GLYATL3: variants seen among roughly 807,000 people sequenced by gnomAD.
The protein encoded by GLYATL3 is glycine-N-acyltransferase like 3, also known as glycine N-acyltransferase-like protein 3.
Under a neutral mutation model 28.5 loss-of-function variants are expected in GLYATL3, and 31 were observed. That is an observed-to-expected ratio of 1.09 (90% CI 0.82 to 1.47). The LOEUF is 1.47. Ranked by LOEUF, GLYATL3 falls within the 40% of genes most tolerant of loss-of-function variation. GLYATL3 has a pLI of 0.00. For missense variants in GLYATL3, 369 were observed against 351.5 expected, an observed-to-expected ratio of 1.05 and a Z score of -0.40; for synonymous variants, 141 against 140.2, an observed-to-expected ratio of 1.01 and a Z score of -0.04.
rs186681170 is a variant in GLYATL3, at chr6:49,514,695, G to C, written c.79-958G>C. 1.2e-4 allele frequency among the ~76,000 whole-genome samples: 18 copies of C among 152,204 alleles called. 1 individual carries two copies. The East Asian group carries it at 2.5e-3, about 21-fold the overall frequency. ...AAAAAATTTTTTTAATTATCCAGGTGTGGTGGTGCTTGCCTTAGTTCCAGC... is the reference window on the plus strand; with the variant it reads ...AAAAAATTTTTTTAATTATCCAGGTCTGGTGGTGCTTGCCTTAGTTCCAGC... On this transcript the variant is annotated intron_variant, in intron 2 of 5. Transcript: ENST00000371197.
intron 2 of GLYATL3, among the ~76,000 whole-genome samples, chr6:49,514,675 A>G (rs182732802): frequency 6.6e-6 from 1 of 151,598 alleles, no homozygotes; most frequent in Non-Finnish European, 1.5e-5. Context: ...TACAAAAAAA[A>G]TTTTTTTAAT....
intron 4 of GLYATL3, 99 bp downstream of exon 4, chr6:49,517,655 G>T: frequency 1.2e-6 from 1 of 841,906 alleles, no homozygotes; most frequent in East Asian, 2.9e-5. Flanking sequence ...AAAATATATA[G>T]ATTATCTATA....
chr6:49,514,697 G>A (rs1769182505), intron 2 of GLYATL3, among the ~76,000 whole-genome samples: 1 of 152,092 alleles, frequency 6.6e-6, no homozygotes, highest in South Asian at 2.1e-4. Flanking sequence ...ATCCAGGTGT[G>A]GTGGTGCTTG....
rs529469887 is a variant in GLYATL3 at position 49,526,626 on chromosome 6, C to T, written c.579C>T (p.Val193=). The change falls in exon 6 of 6, where the codon GTC becomes GTT. Residue 193 remains valine (V), a synonymous_variant. Transcript: ENST00000371197. The part of the protein sequence containing the change: ...NLISCFPSVC[V]RDEKGNPVSW... ...TCTCCTGCTTCCCTAGTGTGTGTGTCCGGGATGAGAAGGGAAACCCGGTCT... is the reference window on the plus strand; with the variant it reads ...TCTCCTGCTTCCCTAGTGTGTGTGTTCGGGATGAGAAGGGAAACCCGGTCT... 3.0e-5 allele frequency: 47 copies of T among 1,551,940 alleles called. No individual in the cohort carries two copies. The highest frequency in any genetic ancestry group is 1.7e-4 in the Middle Eastern group (1 of 5,996).
intron 3 of GLYATL3, among the ~76,000 whole-genome samples, chr6:49,516,484 A>G (rs2127432909): frequency 6.6e-6 from 1 of 152,212 alleles, no homozygotes; most frequent in African/African-American, 2.4e-5. Context: ...CCCGAGACCA[A>G]GGAGAAGCTC....
intron 1 of GLYATL3, among the ~76,000 whole-genome samples, chr6:49,510,340 C>G (rs1769099506): frequency 6.6e-6 from 1 of 152,092 alleles, no homozygotes; most frequent in Admixed American, 6.6e-5. Flanking sequence ...CCACGCCCAG[C>G]CTAAGTATTT....
At chr6:49,520,835 G>A (rs2127238535) in intron 4 of GLYATL3, among the ~76,000 whole-genome samples, 1 of 152,010 alleles carries the variant, frequency 6.6e-6, no homozygotes, top group East Asian at 1.9e-4. Context: ...GGACTTATAG[G>A]GAGACCCCAT....
rs1292480344 is a variant in GLYATL3, at chr6:49,521,668, G to A, written c.337G>A (p.Val113Ile). Residue 113 changes from valine to isoleucine, a missense_variant, in exon 5 of 6, where the codon GTT becomes ATT. Val to Ile is a conservative substitution (Grantham distance 29). Coordinates refer to ENST00000371197, the MANE Select transcript of GLYATL3 (RefSeq NM_001010904.2). ...AGGGCTGCAGAGTGAGTTATATGAT[G>A]TTTCCAAAGCGGTTGCCAATTCAAA... Reference protein sequence around the residue: ...IQGLQSELYDVSKAVANSKQL... With the variant: ...IQGLQSELYDISKAVANSKQL... 6.4e-7 allele frequency: 1 copy of A among 1,550,888 alleles called. No homozygotes were observed. The highest frequency in any genetic ancestry group is 8.7e-7 in the Non-Finnish European group (1 of 1,146,330).
At chr6:49,516,191 T>A (rs550381112) in intron 3 of GLYATL3, among the ~76,000 whole-genome samples, 12 of 152,056 alleles carry the variant, frequency 7.9e-5, no homozygotes, top group African/African-American at 1.2e-4. Flanking sequence ...AGGTGATCCG[T>A]CTACCTCGGG....
At chr6:49,519,139 T>C (rs973804586) in intron 4 of GLYATL3, among the ~76,000 whole-genome samples, 8 of 152,172 alleles carry the variant, frequency 5.3e-5, no homozygotes, top group African/African-American at 1.4e-4. Context: ...AATTTCCTCA[T>C]TGGTGTGAAA....
Position 49,515,662 on chromosome 6 carries a change from G to A in GLYATL3, c.88G>A (p.Ala30Thr), listed in dbSNP as rs1474962225. Reference sequence around the variant, plus strand: ...GGGTTATCTGACTCAGGTTTACGGAGCGGTGATGAACATAAATCGTGGGAA... The same window carrying A: ...GGGTTATCTGACTCAGGTTTACGGAACGGTGATGAACATAAATCGTGGGAA... ...CFPESLKVYG[A>T]VMNINRGNPF... The change falls in exon 3 of 6, where the codon GCG (alanine) becomes ACG (threonine). Residue 30 changes from alanine (A) to threonine (T), a missense_variant. By Grantham distance (58) the Ala-to-Thr change is moderately conservative (BLOSUM62 0). Coordinates refer to ENST00000371197, the MANE Select transcript of GLYATL3 (RefSeq NM_001010904.2). 1 of 1,545,590 alleles carries A rather than the reference G, an allele frequency of 6.5e-7. No individual in the cohort carries two copies. The highest frequency in any genetic ancestry group is 2.0e-5 in the Admixed American group (1 of 50,970).
At chr6:49,516,937 C>G (rs1371818212) in intron 3 of GLYATL3, among the ~76,000 whole-genome samples, 1 of 151,688 alleles carries the variant, frequency 6.6e-6, no homozygotes, top group South Asian at 2.1e-4. Context: ...GCGGGCGGAT[C>G]ATGAGGTCAG....
chr6:49,526,455 G>A lies in GLYATL3; in HGVS notation c.441-33G>A, dbSNP rs1475389665. 2.6e-6 allele frequency: 4 copies of A among 1,525,630 alleles called. No individual in the cohort carries two copies. The Admixed American group carries it at 7.9e-5, about 30-fold the overall frequency. 94.5% of individuals were successfully genotyped at this position (1,525,630 alleles called of 1,614,324 possible). A position where few individuals can be genotyped will look rare whatever the true frequency, so the allele number is the denominator to read the frequency against. ...GTTATGTATAACCACATGAGTCTGA[G>A]GTCCTATTTGTTTTTGTGTCATTCT... is the stretch of plus-strand genomic sequence containing the variant. On this transcript the variant is annotated intron_variant, in intron 5 of 5. Coordinates refer to ENST00000371197, the MANE Select transcript of GLYATL3 (RefSeq NM_001010904.2).
At position 49,508,181 on chromosome 6, in the gene GLYATL3, A is replaced by T. The variant is rs991621746; in HGVS notation, c.-28-3782A>T. ...TGTGGTGGCGGGCGCCTGTAGTCCCAGCTACTCGGGAGGCTGAGGCAGGAG... is the reference window on the plus strand; with the variant it reads ...TGTGGTGGCGGGCGCCTGTAGTCCCTGCTACTCGGGAGGCTGAGGCAGGAG... On this transcript the variant is annotated intron_variant, in intron 1 of 5. Coordinates refer to ENST00000371197, the MANE Select transcript of GLYATL3 (RefSeq NM_001010904.2). Among the ~76,000 whole-genome samples, 7 of 152,018 alleles carry T rather than the reference A, an allele frequency of 4.6e-5. No homozygotes were observed. The South Asian group carries it at 1.5e-3, about 32-fold the overall frequency.
rs1769237854 is a variant in GLYATL3 at position 49,517,515 on chromosome 6, AATGTG to A, written c.277_281del (p.Asp93PhefsTer2). The A allele has an allele frequency of 9.0e-6, 14 of 1,551,154 alleles. No homozygotes were observed. The African/African-American group carries it at 1.4e-4, about 15-fold the overall frequency. On this transcript the variant is annotated frameshift_variant, in exon 4 of 6. Transcript: ENST00000371197. LOFTEE classifies it high-confidence loss of function. ...AGGGCTTATCGACAGCTATTGGAAG[AATGTG>A]ATGTTTTTAACTGGGACCAAGTTTT...
chr6:49,503,413 G>T (rs1295789601), intron 1 of GLYATL3, among the ~76,000 whole-genome samples: 14 of 152,214 alleles, frequency 9.2e-5, no homozygotes, highest in Admixed American at 8.5e-4. Context: ...GGAACAATGA[G>T]CCTTGGCTTT....
rs1769131564 is a variant in GLYATL3 at position 49,512,095 on chromosome 6, T to A, written c.78+27T>A. 4.0e-6 allele frequency: 4 copies of A among 997,556 alleles called. 1 individual carries two copies. The allele number at this position is 997,556 out of a possible 1,614,324, so 61.8% of individuals were successfully genotyped here. ...TACCATAAAATTAATAATTTTATTT[T>A]ATTTCTTTATTGTGTTAATCTGTAA... On this transcript the variant is annotated intron_variant, in intron 2 of 5. Transcript: ENST00000371197.
chr6:49,526,599 C>T lies in GLYATL3; in HGVS notation c.552C>T (p.Leu184=), dbSNP rs1769420458. ...NEQCLRYIAN[L]ISCFPSVCVR... is the part of the protein sequence containing the mutation. ...AATGTCTCCGGTACATCGCCAACCT[C>T]ATCTCCTGCTTCCCTAGTGTGTGTG... The change falls in exon 6 of 6, where the codon CTC becomes CTT. Residue 184 remains leucine (L), a synonymous_variant. Coordinates refer to ENST00000371197, the MANE Select transcript of GLYATL3 (RefSeq NM_001010904.2). 6.4e-7 allele frequency: 1 copy of T among 1,552,008 alleles called. No homozygotes were observed. The highest frequency in any genetic ancestry group is 8.7e-7 in the Non-Finnish European group (1 of 1,147,058).
At chr6:49,512,288 T>C (rs578181589) in intron 2 of GLYATL3, among the ~76,000 whole-genome samples, 3 of 150,212 alleles carry the variant, frequency 2.0e-5, no homozygotes, top group African/African-American at 7.3e-5. Context: ...TTCTTTCTTT[T>C]TTTTTTTTTT....
Sources: gnomAD v4.1 joint callset for allele counts (sites outside exome capture counted in the v4.1 genomes callset) on GRCh38, gnomAD v4.1.1 for gene constraint, MANE v1.5 for transcripts, NCBI Gene and HGNC (gene_info 2026-07-23, HGNC 2026-07-21) for gene names.